MAP3K10: variants seen among roughly 807,000 people sequenced by gnomAD.
MAP3K10 encodes MKN28 derived nonreceptor_type serine/threonine kinase.
A neutral mutation model predicts 75.0 loss-of-function variants in MAP3K10; 22 were observed. The observed-to-expected ratio is 0.29, with a 90% confidence interval of 0.21 to 0.42. The LOEUF (loss-of-function observed/expected upper bound fraction) is 0.42, where lower values mean the gene tolerates loss of function less well. MAP3K10 is among the 10% of genes least tolerant of loss of function. The pLI is 1.00. For synonymous variants in MAP3K10, 599 were observed against 612.9 expected, an observed-to-expected ratio of 0.98 and a Z score of 0.34; for missense variants, 1,165 against 1,379.8, an observed-to-expected ratio of 0.84 and a Z score of 2.47.
rs748303105 is a variant in MAP3K10, at chr19:40,213,439, G to A, written c.1838-78G>A. 23 of 1,562,094 alleles carry A rather than the reference G, an allele frequency of 1.5e-5. No homozygotes were observed. The highest frequency in any genetic ancestry group is 1.9e-5 in the Non-Finnish European group (22 of 1,159,762). ...TGGTCTTGCTGTTGGAGGGGTCATC[G>A]GGGGCTGTCCCTTGGCACAAGTCCC... On this transcript the variant is annotated intron_variant, in intron 8 of 9. Coordinates refer to ENST00000253055, the MANE Select transcript of MAP3K10 (RefSeq NM_002446.4). The surrounding 1 kb of genome is among the most constrained non-coding windows in gnomAD (Gnocchi z 5.7).
chr19:40,198,230 CA>C lies in MAP3K10; in HGVS notation c.683-144del. ...TGGGCGGAGGGGCTCATGGATGTTCCAGGCCAGGAAAGGACCTGCCACAGAG... is the reference window on the plus strand; with the variant it reads ...TGGGCGGAGGGGCTCATGGATGTTCCGGCCAGGAAAGGACCTGCCACAGAG... On this transcript the variant is annotated intron_variant, in intron 1 of 9. Transcript: ENST00000253055. The surrounding 1 kb of genome is among the most constrained non-coding windows in gnomAD (Gnocchi z 4.3). 1 of 712,642 alleles carries C rather than the reference CA, an allele frequency of 1.4e-6. No homozygotes were observed. 44.1% of individuals were successfully genotyped at this position (712,642 alleles called of 1,614,324 possible). A position where few individuals can be genotyped will look rare whatever the true frequency, so the allele number is the denominator to read the frequency against.
intron 1 of MAP3K10, among the ~76,000 whole-genome samples, chr19:40,197,379 T>G (rs112737970): frequency 5.0e-4 from 76 of 151,870 alleles, no homozygotes; most frequent in African/African-American, 1.7e-3. Context: ...AGGCTGGAGT[T>G]CAATGGCGCA....
chr19:40,193,768 TG>T (rs2145066054), intron 1 of MAP3K10, among the ~76,000 whole-genome samples: 1 of 152,332 alleles, frequency 6.6e-6, no homozygotes, highest in East Asian at 1.9e-4. Context: ...TTCTTCCATT[TG>T]GTATTTACCA....
chr19:40,196,166 G>A (rs911841949), intron 1 of MAP3K10, among the ~76,000 whole-genome samples: 1 of 152,094 alleles, frequency 6.6e-6, no homozygotes, highest in African/African-American at 2.4e-5. Context: ...AAGAAGCAGG[G>A]CTGAGACTCA....
chr19:40,208,372 A>ATTT (rs1973173669), intron 5 of MAP3K10, among the ~76,000 whole-genome samples: 1 of 52,872 alleles, frequency 1.9e-5, no homozygotes, highest in African/African-American at 6.8e-5. Context: ...TTTTTTTTGT[A>ATTT]TTTTTAGTAG....
At chr19:40,210,299 A>T (rs1253047327) in intron 6 of MAP3K10, among the ~76,000 whole-genome samples, 1 of 151,244 alleles carries the variant, frequency 6.6e-6, no homozygotes, top group East Asian at 1.9e-4. Context: ...AAAGAAATAG[A>T]TGTATTATGA....
chr19:40,215,359 C>A lies in MAP3K10; in HGVS notation c.*67C>A. ...CGCCCCAGGCCCTGCCCCAGCCCGC[C>A]ATGCCACAAGGTGGGGGAGGCCCTG... On this transcript the variant is annotated 3_prime_UTR_variant, in exon 10 of 10. Coordinates refer to ENST00000253055, the MANE Select transcript of MAP3K10 (RefSeq NM_002446.4). 1.4e-6 allele frequency: 2 copies of A among 1,420,256 alleles called. No homozygotes were observed. The highest frequency in any genetic ancestry group is 2.7e-5 in the South Asian group (2 of 73,852). 88.0% of individuals were successfully genotyped at this position (1,420,256 alleles called of 1,614,324 possible). A position where few individuals can be genotyped will look rare whatever the true frequency, so the allele number is the denominator to read the frequency against.
Position 40,204,640 on chromosome 19 carries a change from CG to C in MAP3K10, c.1012+11del. The C allele has an allele frequency of 2.5e-6, 4 of 1,610,494 alleles. No individual in the cohort carries two copies. The highest frequency in any genetic ancestry group is 3.4e-6 in the Non-Finnish European group (4 of 1,177,938). On this transcript the variant is annotated splice_region_variant and intron_variant, in intron 3 of 9. Coordinates refer to ENST00000253055, the MANE Select transcript of MAP3K10 (RefSeq NM_002446.4). The surrounding 1 kb of genome is among the most constrained non-coding windows in gnomAD (Gnocchi z 4.3). The stretch of plus-strand genomic sequence containing the variant: ...TTTGCCCGCCTCCTGGAGGGTGAGC[CG>C]GGGCCCCGTGACGAGGGTAGGCTCA...
In MAP3K10 at chr19:40,213,589, C is replaced by T; in HGVS notation, c.1910C>T (p.Ser637Leu). The T allele has an allele frequency of 1.9e-6, 3 of 1,605,196 alleles. No homozygotes were observed. Among genetic ancestry groups the T allele is most frequent in the Non-Finnish European group, 2.5e-6 (3 of 1,176,488 alleles). ...CCCTACTCGACCCCGTCCTACCTCTCAGTGCCACTGCCTGCCGAGCCCTCC... is the reference window on the plus strand; with the variant it reads ...CCCTACTCGACCCCGTCCTACCTCTTAGTGCCACTGCCTGCCGAGCCCTCC... ...PSPYSTPSYL[S>L]VPLPAEPSPG... Residue 637 changes from serine (S) to leucine (L), a missense_variant, in exon 9 of 10, where the codon TCA becomes TTA. Around this residue, in one of 2 missense-constraint regions of MAP3K10, gnomAD observed 590 missense variants for 586.6 expected, o/e 1.01. Coordinates refer to ENST00000253055, the MANE Select transcript of MAP3K10 (RefSeq NM_002446.4). The surrounding 1 kb of genome is among the most constrained non-coding windows in gnomAD (Gnocchi z 5.7).
chr19:40,210,159 C>G (rs888448287), intron 6 of MAP3K10, among the ~76,000 whole-genome samples: 1 of 152,054 alleles, frequency 6.6e-6, no homozygotes, highest in Non-Finnish European at 1.5e-5. Flanking sequence ...CCCAGCTACT[C>G]GGGAGGCTGA....
In MAP3K10 at chr19:40,191,917, G is replaced by A. The variant is rs1972821051; in HGVS notation, c.-115G>A. ...GAGGGCGCCCCAGCCATGGCCCTCAGGAGCTCCCTAGACCCCGCAGGGACT... is the reference window on the plus strand; with the variant it reads ...GAGGGCGCCCCAGCCATGGCCCTCAAGAGCTCCCTAGACCCCGCAGGGACT... On this transcript the variant is annotated 5_prime_UTR_variant, in exon 1 of 10. Coordinates refer to ENST00000253055, the MANE Select transcript of MAP3K10 (RefSeq NM_002446.4). The A allele has an allele frequency of 1.7e-6, 1 of 580,818 alleles. No individual in the cohort carries two copies. Among genetic ancestry groups the A allele is most frequent in the Admixed American group, 4.0e-5 (1 of 24,838 alleles). The allele number at this position is 580,818 out of a possible 1,614,324, so 36.0% of individuals were successfully genotyped here. A position where few individuals can be genotyped will look rare whatever the true frequency, so the allele number is the denominator to read the frequency against.
At chr19:40,209,629 G>A (rs1791626386) in intron 6 of MAP3K10, among the ~76,000 whole-genome samples, 1 of 151,742 alleles carries the variant, frequency 6.6e-6, no homozygotes, top group Admixed American at 6.6e-5. Context: ...TGGCCAGGCT[G>A]GTATCGAACT....
rs1198832570 is a variant in MAP3K10, at chr19:40,192,533, C to T, written c.502C>T (p.Pro168Ser). 1.2e-5 allele frequency: 20 copies of T among 1,613,466 alleles called. No individual in the cohort carries two copies. The highest frequency in any genetic ancestry group is 1.6e-5 in the Non-Finnish European group (19 of 1,179,970). ...IALRGACLNPPHLCLVMEYAR... is the reference protein window; with the variant it reads ...IALRGACLNPSHLCLVMEYAR... ...CCTTAGGGGCGCCTGCCTCAACCCC[C>T]CACACCTCTGCCTAGTGATGGAGTA... Residue 168 changes from proline to serine, a missense_variant, in exon 1 of 10, where the codon CCA (proline) becomes TCA (serine). Pro to Ser is a moderately conservative substitution (Grantham distance 74). Transcript: ENST00000253055. This position sits in a 1 kb window ranked among gnomAD's most constrained non-coding sequence, Gnocchi z 7.1.
chr19:40,205,380 A>T lies in MAP3K10; in HGVS notation c.1188+84A>T. 7 of 1,453,056 alleles carry T rather than the reference A, an allele frequency of 4.8e-6. No homozygotes were observed. The highest frequency in any genetic ancestry group is 6.6e-6 in the Non-Finnish European group (7 of 1,055,880). The allele number at this position is 1,453,056 out of a possible 1,614,324, so 90.0% of individuals were successfully genotyped here. A position where few individuals can be genotyped will look rare whatever the true frequency, so the allele number is the denominator to read the frequency against. On this transcript the variant is annotated intron_variant, in intron 4 of 9. Transcript: ENST00000253055. The surrounding 1 kb of genome is among the most constrained non-coding windows in gnomAD (Gnocchi z 4.3). ...GGGCTGCTCAGAGACTCCTCCCCTG[A>T]ACCCCAGCCTTTGGGTCCATGCAGG...
At position 40,215,152 on chromosome 19, in the gene MAP3K10, A is replaced by G; in HGVS notation, c.2725A>G (p.Thr909Ala). Residue 909 changes from threonine to alanine, a missense_variant, in exon 10 of 10, where the codon ACC becomes GCC. Thr to Ala is a moderately conservative substitution (Grantham distance 58). Transcript: ENST00000253055. Reference protein sequence around the residue: ...WKLVSFGRTLTISPPSRPDTP... With the variant: ...WKLVSFGRTLAISPPSRPDTP... ...ACTGGTCTCCTTCGGCCGGACACTC[A>G]CCATCTCGCCTCCCAGCAGGCCAGA... 1.2e-6 allele frequency: 2 copies of G among 1,608,000 alleles called. No individual in the cohort carries two copies. Among genetic ancestry groups the G allele is most frequent in the Non-Finnish European group, 1.7e-6 (2 of 1,177,962 alleles).
At position 40,215,448 on chromosome 19, in the gene MAP3K10, T is replaced by G; in HGVS notation, c.*156T>G. On this transcript the variant is annotated 3_prime_UTR_variant, in exon 10 of 10. Transcript: ENST00000253055. ...GGGGGGGACACTTAACTTATTCCTT[T>G]GTACCCCAGGGGGTGGAGCCCTGTG... 5.8e-6 allele frequency: 4 copies of G among 685,168 alleles called. No individual in the cohort carries two copies. Among genetic ancestry groups the G allele is most frequent in the Non-Finnish European group, 4.8e-6 (2 of 420,614 alleles). The allele number at this position is 685,168 out of a possible 1,614,324, so 42.4% of individuals were successfully genotyped here.
chr19:40,214,010 A>ACCCCACC lies in MAP3K10; in HGVS notation c.2334_2335insCACCCCC (p.Ser779HisfsTer75). 1.4e-6 allele frequency: 1 copy of ACCCCACC among 726,374 alleles called. No homozygotes were observed. The allele number at this position is 726,374 out of a possible 1,614,324, so 45.0% of individuals were successfully genotyped here. ...CCGCACCGGCCGCGCCCTCCCCACC[A>ACCCCACC]CCCTCCCCGCCCGCGCCCACACCCA... On this transcript the variant is annotated frameshift_variant, in exon 9 of 10. Transcript: ENST00000253055. LOFTEE classifies it high-confidence loss of function.
intron 6 of MAP3K10, among the ~76,000 whole-genome samples, chr19:40,210,986 A>G (rs1233021338): frequency 1.3e-5 from 2 of 152,160 alleles, no homozygotes; most frequent in African/African-American, 4.8e-5. Flanking sequence ...CCAGCTACCT[A>G]GGCGTCCTTT....
At chr19:40,202,521 A>G (rs1459882617) in intron 2 of MAP3K10, among the ~76,000 whole-genome samples, 1 of 152,042 alleles carries the variant, frequency 6.6e-6, no homozygotes, top group Non-Finnish European at 1.5e-5. Context: ...TTCACCTCTT[A>G]TTTTGGGGTC....
Sources: allele counts gnomAD v4.1 joint callset (sites outside exome capture counted in the v4.1 genomes callset), GRCh38; gene constraint gnomAD v4.1.1; regional missense constraint gnomAD v4.1.1; non-coding constraint Gnocchi (gnomAD v3.1); transcripts MANE v1.5; gene names NCBI Gene and HGNC (gene_info 2026-07-23, HGNC 2026-07-21).